The following NSG1 variants were observed in gnomAD, a reference collection of about 807,000 sequenced individuals.
The protein encoded by NSG1 is neuronal vesicle trafficking associated 1.
In NSG1, 9 loss-of-function variants were observed where a neutral mutation model predicts 19.3. The ratio of observed to expected loss-of-function variants is 0.47; its 90% confidence interval spans 0.28 to 0.81. The LOEUF (loss-of-function observed/expected upper bound fraction) is 0.81, where lower values mean the gene tolerates loss of function less well. Ranked by LOEUF, NSG1 falls within the 40% of genes least tolerant of loss-of-function variation. The pLI is 0.11. For synonymous variants in NSG1, 104 were observed against 107.0 expected, an observed-to-expected ratio of 0.97 and a Z score of 0.17; for missense variants, 236 against 242.4, an observed-to-expected ratio of 0.97 and a Z score of 0.18.
intron 3 of NSG1, among the ~76,000 whole-genome samples, chr4:4,404,255 G>A (rs188742164): frequency 1.3e-3 from 204 of 152,326 alleles, no homozygotes; most frequent in Non-Finnish European, 2.3e-3. Flanking sequence ...TGAATTGGAC[G>A]GTCTCCAGCT....
intron 4 of NSG1, among the ~76,000 whole-genome samples, chr4:4,411,400 C>CT (rs541492580): frequency 1.6e-3 from 249 of 152,302 alleles, no homozygotes; most frequent in African/African-American, 5.8e-3. Flanking sequence ...CCCTGTCCCA[C>CT]TGGAAGGTCT....
At chr4:4,414,330 C>T (rs930903902) in intron 4 of NSG1, among the ~76,000 whole-genome samples, 5 of 151,808 alleles carry the variant, frequency 3.3e-5, no homozygotes, top group Non-Finnish European at 5.9e-5. Context: ...CAGGTGATTC[C>T]CATCCACAGC....
rs1724589866 is a variant in NSG1 at position 4,417,117 on chromosome 4, CTG to C, written c.358-116_358-115del. Reference sequence around the variant, plus strand: ...GATCCATGCCCGTTTTTGCTCATCACTGTATCTATTCCTCCAAGCTCAGGGAA... The same window carrying C: ...GATCCATGCCCGTTTTTGCTCATCACTATCTATTCCTCCAAGCTCAGGGAA... On this transcript the variant is annotated intron_variant, in intron 4 of 4. Coordinates refer to ENST00000621129, the MANE Select transcript of NSG1 (RefSeq NM_014392.5). The C allele has an allele frequency of 7.3e-6, 6 of 824,610 alleles. No individual in the cohort carries two copies. The East Asian group carries it at 1.2e-4, about 17-fold the overall frequency. 51.1% of individuals were successfully genotyped at this position (824,610 alleles called of 1,614,324 possible). A position where few individuals can be genotyped will look rare whatever the true frequency, so the allele number is the denominator to read the frequency against.
At chr4:4,391,342 A>G in intron 2 of NSG1, 133 bp from the exon 3 acceptor site, 1 of 646,880 alleles carries the variant, frequency 1.5e-6, no homozygotes, top group Non-Finnish European at 2.8e-6. Context: ...TCCAAAAAGT[A>G]GTGGCTGTTC....
At chr4:4,411,325 A>G in intron 4 of NSG1, among the ~76,000 whole-genome samples, 1 of 152,218 alleles carries the variant, frequency 6.6e-6, no homozygotes, top group East Asian at 1.9e-4. Flanking sequence ...AAGGACACAG[A>G]CACACACATT....
chr4:4,409,548 C>T lies in NSG1; in HGVS notation c.247-25C>T, dbSNP rs771311844. The T allele has an allele frequency of 3.8e-6, 6 of 1,590,268 alleles. No individual in the cohort carries two copies. The African/African-American group carries it at 6.8e-5, about 18-fold the overall frequency. On this transcript the variant is annotated intron_variant, in intron 3 of 4. Coordinates refer to ENST00000621129, the MANE Select transcript of NSG1 (RefSeq NM_014392.5). ...CTGTCCTGCTGCCTTCCGGCCACCC[C>T]TGACAGTCCCACCTCTGCCCACAGG...
intron 4 of NSG1, chr4:4,415,837 G>C: frequency 2.2e-6 from 1 of 449,826 alleles, no homozygotes. Flanking sequence ...GCAGCAGATG[G>C]AGAGGACAGC....
intron 3 of NSG1, among the ~76,000 whole-genome samples, chr4:4,391,833 A>G (rs1206286884): frequency 6.6e-6 from 1 of 152,124 alleles, no homozygotes; most frequent in Non-Finnish European, 1.5e-5. Flanking sequence ...AACAGGGGAA[A>G]CCCACCCACA....
rs773567821 is a variant in NSG1 at position 4,391,603 on chromosome 4, T to C, written c.246+12T>C. On this transcript the variant is annotated intron_variant, in intron 3 of 4. Coordinates refer to ENST00000621129, the MANE Select transcript of NSG1 (RefSeq NM_014392.5). ...CCGAGAGGTTTAAGGTGAGTGGTCC[T>C]GTGCTGGGTGAGATGCTGCTTTTGC... 1.9e-6 allele frequency: 3 copies of C among 1,549,262 alleles called. No individual in the cohort carries two copies. Among genetic ancestry groups the C allele is most frequent in the Non-Finnish European group, 2.6e-6 (3 of 1,133,108 alleles).
At chr4:4,393,919 T>C (rs191483610) in intron 3 of NSG1, among the ~76,000 whole-genome samples, 189 of 152,308 alleles carry the variant, frequency 1.2e-3, no homozygotes, top group African/African-American at 4.4e-3. Context: ...GTCACTCTCA[T>C]TTGCAACAGA....
chr4:4,409,789 C>T (rs532539963), intron 4 of NSG1, 106 bp downstream of exon 4: 5 of 892,820 alleles, frequency 5.6e-6, no homozygotes, highest in South Asian at 1.4e-5. Context: ...GGCCCACGGA[C>T]AGGCCTTAGA....
In NSG1 at chr4:4,418,997, G is replaced by C. The variant is rs1724759771; in HGVS notation, c.*1562G>C. The stretch of plus-strand genomic sequence containing the variant: ...CAGGTAGACGTGGACTTTATTGACT[G>C]TGAATTCATTTACATGTAACTTCTG... On this transcript the variant is annotated 3_prime_UTR_variant, in exon 5 of 5. Transcript: ENST00000621129. 1 of 152,220 alleles carries C rather than the reference G, an allele frequency of 6.6e-6. No homozygotes were observed. The highest frequency in any genetic ancestry group is 1.5e-5 in the Non-Finnish European group (1 of 68,052). The allele number at this position is 152,220 out of a possible 1,614,324, so 9.4% of individuals were successfully genotyped here.
chr4:4,399,421 G>T (rs1463527288), intron 3 of NSG1, among the ~76,000 whole-genome samples: 1 of 147,572 alleles, frequency 6.8e-6, no homozygotes, highest in Non-Finnish European at 1.5e-5. Context: ...GGGATTACAG[G>T]TGTGAGCCAC....
At chr4:4,413,518 C>G (rs113206094) in intron 4 of NSG1, among the ~76,000 whole-genome samples, 1 of 150,940 alleles carries the variant, frequency 6.6e-6, no homozygotes, top group African/African-American at 2.4e-5. Flanking sequence ...CTTCAGGGAA[C>G]GAGGGCAGTG....
At chr4:4,387,561 C>CCGGGCGG in intron 1 of NSG1, 43 bp from the exon 2 acceptor site, 1 of 1,141,990 alleles carries the variant, frequency 8.8e-7, no homozygotes, top group Non-Finnish European at 1.2e-6. Flanking sequence ...CGCCCCGCCC[C>CCGGGCGG]GGGTCTTGCT....
intron 4 of NSG1, among the ~76,000 whole-genome samples, chr4:4,416,979 C>T (rs2108759152): frequency 6.6e-6 from 1 of 152,302 alleles, no homozygotes; most frequent in South Asian, 2.1e-4. Context: ...CCTGCTGTCC[C>T]ATTACACTGG....
intron 3 of NSG1, 145 bp downstream of exon 3, chr4:4,391,736 T>G: frequency 2.1e-6 from 1 of 478,110 alleles, no homozygotes; most frequent in Non-Finnish European, 3.8e-6. Flanking sequence ...AGCTTGTGAC[T>G]GCCTGCCAAG....
chr4:4,413,333 G>T (rs1724325914), intron 4 of NSG1, among the ~76,000 whole-genome samples: 1 of 151,736 alleles, frequency 6.6e-6, no homozygotes, highest in Non-Finnish European at 1.5e-5. Context: ...GTGAGCCAGG[G>T]AGCTTGCGGG....
Position 4,409,717 on chromosome 4 carries a change from C to A in NSG1, c.357+34C>A, listed in dbSNP as rs371764015. ...CCGTTTTCCCCCAGAGGCCCTGGGACGCCTTTGCACCCCATGTTCTCTCCC... is the reference window on the plus strand; with the variant it reads ...CCGTTTTCCCCCAGAGGCCCTGGGAAGCCTTTGCACCCCATGTTCTCTCCC... On this transcript the variant is annotated intron_variant, in intron 4 of 4. Transcript: ENST00000621129. 6 of 1,502,270 alleles carry A rather than the reference C, an allele frequency of 4.0e-6. No individual in the cohort carries two copies. The East Asian group carries it at 9.0e-5, about 23-fold the overall frequency. The allele number at this position is 1,502,270 out of a possible 1,614,324, so 93.1% of individuals were successfully genotyped here. A position where few individuals can be genotyped will look rare whatever the true frequency, so the allele number is the denominator to read the frequency against.
Sources: allele counts gnomAD v4.1 joint callset (sites outside exome capture counted in the v4.1 genomes callset), GRCh38; gene constraint gnomAD v4.1.1; transcripts MANE v1.5; gene names NCBI Gene and HGNC (gene_info 2026-07-23, HGNC 2026-07-21).